Variants in PCDHA9 observed in about 807,000 individuals in gnomAD.
The protein encoded by PCDHA9 is protocadherin alpha 9.
Under a neutral mutation model 62.0 loss-of-function variants are expected in PCDHA9, and 62 were observed. The observed-to-expected ratio is 1.00, with a 90% CI of 0.81 to 1.23. The LOEUF is 1.23. Among genes scored for constraint, PCDHA9 ranks in the 50% most tolerant of loss-of-function variants. The probability of loss-of-function intolerance (pLI) is 0.00; values close to 1 mark genes in which losing one functional copy is unlikely to be tolerated. For missense variants in PCDHA9, 1,205 were observed against 1,249.8 expected (o/e 0.96, Z 0.54); for synonymous variants, 557 against 567.6 (o/e 0.98, Z 0.27).
In PCDHA9 at chr5:140,966,446, C is replaced by T. The variant is rs2096003680; in HGVS notation, c.2395-12503C>T. Reference sequence around the variant, plus strand: ...CTGAGCCCTCCTACCGCTCCCTTTCCCCCTCCCCCTCTGTCTTCCCTTCTG... The same window carrying T: ...CTGAGCCCTCCTACCGCTCCCTTTCTCCCTCCCCCTCTGTCTTCCCTTCTG... On this transcript the variant is annotated intron_variant, in intron 1 of 3. Transcript: ENST00000532602. 7 of 424,490 alleles carry T rather than the reference C, an allele frequency of 1.6e-5. No homozygotes were observed. The East Asian group carries it at 2.5e-4, about 15-fold the overall frequency. 26.3% of individuals were successfully genotyped at this position (424,490 alleles called of 1,614,324 possible).
At position 140,849,935 on chromosome 5, in the gene PCDHA9, G is replaced by T. The variant is rs2150458512; in HGVS notation, c.1440G>T (p.Arg480=). The change falls in exon 1 of 4, where the codon CGG becomes CGT. Residue 480 remains arginine (R), a synonymous_variant. Transcript: ENST00000532602. ...GCCACATCTTCACGGTGTCTGCGCGGGACGCTGACGCGCAGGAGAACGCCC... is the reference window on the plus strand; with the variant it reads ...GCCACATCTTCACGGTGTCTGCGCGTGACGCTGACGCGCAGGAGAACGCCC... ...PGCHIFTVSA[R]DADAQENALV... is the part of the protein sequence containing the mutation. The T allele has an allele frequency of 1.3e-6, 2 of 1,597,924 alleles. No individual in the cohort carries two copies. The highest frequency in any genetic ancestry group is 2.7e-5 in the African/African-American group (2 of 74,404).
At chr5:140,869,695 A>G (rs2051335232) in intron 1 of PCDHA9, 1 of 1,613,342 alleles carries the variant, frequency 6.2e-7, no homozygotes, top group African/African-American at 1.3e-5. Context: ...TATTTTAAAG[A>G]AGTCTCTGGA....
At chr5:140,927,457 A>G in intron 1 of PCDHA9, 1 of 1,614,098 alleles carries the variant, frequency 6.2e-7, no homozygotes, top group Non-Finnish European at 8.5e-7. Flanking sequence ...GGTGTTGGAG[A>G]AAGCACTGGA....
chr5:140,869,346 T>C (rs781810947), intron 1 of PCDHA9: 4 of 1,614,054 alleles, frequency 2.5e-6, no homozygotes, highest in Non-Finnish European at 2.5e-6. Context: ...ATCTGCAGAA[T>C]GGCATTTTGT....
chr5:140,953,963 G>A lies in PCDHA9; in HGVS notation c.2395-24986G>A, dbSNP rs193094168. ...CATTGCTCCCCCAACAGGCCCCAGT[G>A]TGTGTTGTTCCCCTTCATATTTTCA... On this transcript the variant is annotated intron_variant, in intron 1 of 3. Transcript: ENST00000532602. Among the ~76,000 whole-genome samples the A allele has an allele frequency of 2.1e-3, 322 of 152,136 alleles. 11 individuals carry two copies. Among genetic ancestry groups the A allele is most frequent in the Admixed American group, 0.021 (314 of 15,274 alleles).
In PCDHA9 at chr5:141,011,084, C is replaced by T. The variant is rs928216799; in HGVS notation, c.*1147C>T. 1.3e-5 allele frequency: 2 copies of T among 153,722 alleles called. No homozygotes were observed. The highest frequency in any genetic ancestry group is 6.5e-5 in the Admixed American group (1 of 15,272). The allele number at this position is 153,722 out of a possible 1,614,324, so 9.5% of individuals were successfully genotyped here. A position where few individuals can be genotyped will look rare whatever the true frequency, so the allele number is the denominator to read the frequency against. ...CATGTATTACTAAATAAAATGATCT[C>T]TCTTTCTCTCTCTCTCTCTCTTTTC... On this transcript the variant is annotated 3_prime_UTR_variant, in exon 4 of 4. Coordinates refer to ENST00000532602, the MANE Select transcript of PCDHA9 (RefSeq NM_031857.2).
intron 3 of PCDHA9, 85 bp from the exon 4 acceptor site, chr5:141,009,542 T>C: frequency 6.5e-7 from 1 of 1,530,742 alleles, no homozygotes; most frequent in Admixed American, 2.1e-5. Context: ...AGCCTGCCTA[T>C]GCAGTACTCC....
chr5:140,941,248 T>TTTCTTTCC (rs1563187616), intron 1 of PCDHA9, among the ~76,000 whole-genome samples: 1 of 141,492 alleles, frequency 7.1e-6, no homozygotes, highest in African/African-American at 2.6e-5. Context: ...TCTTTCTTTC[T>TTTCTTTCC]TTCTTTCTCT....
chr5:140,974,709 C>T (rs1385583490), intron 1 of PCDHA9, among the ~76,000 whole-genome samples: 1 of 152,092 alleles, frequency 6.6e-6, no homozygotes, highest in Non-Finnish European at 1.5e-5. Flanking sequence ...CCATGTTGTT[C>T]AAGCTGCTCT....
intron 1 of PCDHA9, among the ~76,000 whole-genome samples, chr5:140,973,304 C>G (rs1252823783): frequency 6.6e-6 from 1 of 152,126 alleles, no homozygotes; most frequent in Non-Finnish European, 1.5e-5. Context: ...TCTGATGACT[C>G]TATCCTGGAA....
At chr5:140,895,677 G>T (rs1554186594) in intron 1 of PCDHA9, among the ~76,000 whole-genome samples, 2 of 151,984 alleles carry the variant, frequency 1.3e-5, no homozygotes, top group African/African-American at 4.8e-5. Flanking sequence ...GTAGTATTTG[G>T]TTTTCTGTTT....
At chr5:140,882,282 G>A in intron 1 of PCDHA9, 3 of 1,612,830 alleles carry the variant, frequency 1.9e-6, no homozygotes, top group Non-Finnish European at 2.5e-6. Context: ...CTGTCTTCCT[G>A]GCAAGGAGGC....
At chr5:140,856,183 C>T (rs1337355592) in intron 1 of PCDHA9, 8 of 1,598,070 alleles carry the variant, frequency 5.0e-6, no homozygotes, top group African/African-American at 2.7e-5. Flanking sequence ...CCTTCGTGGG[C>T]CGCATCGCGC....
chr5:140,945,560 C>T (rs1321626108), intron 1 of PCDHA9, among the ~76,000 whole-genome samples: 3 of 151,960 alleles, frequency 2.0e-5, no homozygotes, highest in Non-Finnish European at 2.9e-5. Context: ...AAGCTGAAGA[C>T]ATCATACTAC....
At chr5:140,922,241 G>A (rs1314775680) in intron 1 of PCDHA9, among the ~76,000 whole-genome samples, 1 of 152,192 alleles carries the variant, frequency 6.6e-6, no homozygotes, top group Non-Finnish European at 1.5e-5. Context: ...TGATGTGTAT[G>A]AAGATAAGTT....
At chr5:140,899,193 G>T (rs2153463118) in intron 1 of PCDHA9, among the ~76,000 whole-genome samples, 1 of 151,990 alleles carries the variant, frequency 6.6e-6, no homozygotes, top group Middle Eastern at 3.4e-3. Context: ...TCCTTCTCCT[G>T]CCTAATTGCC....
chr5:140,883,378 C>A, intron 1 of PCDHA9: 1 of 1,614,146 alleles, frequency 6.2e-7, no homozygotes. Context: ...CCATTATTGC[C>A]CTAATCAGTG....
intron 1 of PCDHA9, among the ~76,000 whole-genome samples, chr5:140,924,894 C>CAAAA (rs782133089): frequency 2.8e-5 from 2 of 71,514 alleles, no homozygotes; most frequent in Non-Finnish European, 3.2e-5. Flanking sequence ...GAACCTGTCT[C>CAAAA]AAAAAAAAAA....
intron 3 of PCDHA9, among the ~76,000 whole-genome samples, chr5:141,000,764 A>G (rs1371396511): frequency 2.0e-5 from 3 of 151,808 alleles, no homozygotes; most frequent in Non-Finnish European, 4.4e-5. Context: ...AATCTTAGCC[A>G]GGCATAGTGG....
Sources: gnomAD v4.1 joint callset for allele counts (sites outside exome capture counted in the v4.1 genomes callset) on GRCh38, gnomAD v4.1.1 for gene constraint, MANE v1.5 for transcripts, NCBI Gene and HGNC (gene_info 2026-07-23, HGNC 2026-07-21) for gene names.